PAK5: variants seen among roughly 807,000 people sequenced by gnomAD.
PAK5 encodes the protein serine/threonine-protein kinase PAK 5.
A neutral mutation model predicts 65.9 loss-of-function variants in PAK5; 16 were observed. That is an observed-to-expected ratio of 0.24 (90% CI 0.16 to 0.37). The LOEUF is 0.37. Ranked by LOEUF, PAK5 falls within the 10% of genes least tolerant of loss-of-function variation. The pLI, the probability that PAK5 is intolerant of heterozygous loss-of-function variation, is 1.00. For synonymous variants in PAK5, 371 were observed against 354.9 expected, an observed-to-expected ratio of 1.05 and a Z score of -0.51; for missense variants, 785 against 903.9, an observed-to-expected ratio of 0.87 and a Z score of 1.69.
At chr20:9,640,022 C>G (rs573645383) in intron 3 of PAK5, among the ~76,000 whole-genome samples, 1 of 152,132 alleles carries the variant, frequency 6.6e-6, no homozygotes, top group Non-Finnish European at 1.5e-5. Context: ...TCTAACAAGA[C>G]GGCACATGTC....
chr20:9,810,469 C>G (rs1053960368), intron 1 of PAK5, among the ~76,000 whole-genome samples: 1 of 152,040 alleles, frequency 6.6e-6, no homozygotes, highest in Non-Finnish European at 1.5e-5. Flanking sequence ...CCCTTGAGCC[C>G]AGGAAGTGGA....
chr20:9,586,799 G>A (rs2046077817), intron 3 of PAK5, among the ~76,000 whole-genome samples: 1 of 151,944 alleles, frequency 6.6e-6, no homozygotes, highest in African/African-American at 2.4e-5. Context: ...CTTGTCACCA[G>A]GTATCCCGAG....
chr20:9,620,249 C>T (rs1401021177), intron 3 of PAK5, among the ~76,000 whole-genome samples: 17 of 151,496 alleles, frequency 1.1e-4, no homozygotes, highest in Admixed American at 1.1e-3. Flanking sequence ...GGACTCATCC[C>T]TGATTTATTC....
chr20:9,661,482 A>G (rs758419043), intron 2 of PAK5, among the ~76,000 whole-genome samples: 32 of 152,298 alleles, frequency 2.1e-4, no homozygotes, highest in South Asian at 6.2e-4. Flanking sequence ...ACCACACCTG[A>G]GAAGACCTTT....
Position 9,593,822 on chromosome 20 carries a change from C to T in PAK5, c.205-12892G>A, listed in dbSNP as rs924913851. ...ATCCCAAGGATCTCTCTCTCTCTCT[C>T]TCTTTCTCTCTCTCTCTCTCTCTCC... On this transcript the variant is annotated intron_variant, in intron 3 of 9. Transcript: ENST00000353224. Among the ~76,000 whole-genome samples the T allele has an allele frequency of 1.5e-4, 23 of 152,202 alleles. 2 individuals are homozygous for T. Among genetic ancestry groups the T allele is most frequent in the African/African-American group, 5.3e-4 (22 of 41,526 alleles).
intron 3 of PAK5, among the ~76,000 whole-genome samples, chr20:9,613,616 A>G (rs1284898504): frequency 6.6e-6 from 1 of 152,260 alleles, no homozygotes; most frequent in East Asian, 1.9e-4. Context: ...CATAGCATTT[A>G]GTTCTTAACA....
intron 5 of PAK5, among the ~76,000 whole-genome samples, 174 bp from the exon 6 acceptor site, chr20:9,563,198 G>C (rs1673294252): frequency 6.6e-6 from 1 of 152,128 alleles, no homozygotes; most frequent in Non-Finnish European, 1.5e-5. Context: ...AGAAATAAAA[G>C]GAATCAAGGT....
At chr20:9,676,937 TAGCATTTC>T (rs1228931426) in intron 2 of PAK5, among the ~76,000 whole-genome samples, 2 of 152,172 alleles carry the variant, frequency 1.3e-5, no homozygotes, top group Non-Finnish European at 2.9e-5. Context: ...GGGTGTTGGC[TAGCATTTC>T]AGAGACCCTA....
intron 1 of PAK5, among the ~76,000 whole-genome samples, chr20:9,765,940 T>C (rs895886988): frequency 5.3e-5 from 8 of 152,106 alleles, no homozygotes; most frequent in African/African-American, 1.2e-4. Flanking sequence ...CCAAGTAGAA[T>C]GGGCTGGGCG....
chr20:9,623,595 TAC>T (rs1309028530), intron 3 of PAK5, among the ~76,000 whole-genome samples: 2 of 152,172 alleles, frequency 1.3e-5, no homozygotes, highest in African/African-American at 2.4e-5. Flanking sequence ...AGACAATGCT[TAC>T]AGATACCCAA....
chr20:9,651,163 G>A (rs1209210220), intron 2 of PAK5, among the ~76,000 whole-genome samples: 2 of 152,164 alleles, frequency 1.3e-5, no homozygotes, highest in East Asian at 1.9e-4. Flanking sequence ...CTGCATTCTT[G>A]GGCAACTGGC....
intron 1 of PAK5, among the ~76,000 whole-genome samples, chr20:9,724,756 C>A (rs761209011): frequency 6.6e-6 from 1 of 152,106 alleles, no homozygotes; most frequent in Admixed American, 6.6e-5. Flanking sequence ...AGTTCTCCAG[C>A]ATCTCCATGT....
chr20:9,756,982 C>T (rs577896610), intron 1 of PAK5, among the ~76,000 whole-genome samples: 1 of 152,250 alleles, frequency 6.6e-6, no homozygotes, highest in South Asian at 2.1e-4. Context: ...AGCTTTCTTG[C>T]CTTTCACTTG....
intron 3 of PAK5, among the ~76,000 whole-genome samples, chr20:9,600,237 T>C (rs1259571052): frequency 6.6e-6 from 1 of 152,226 alleles, no homozygotes; most frequent in African/African-American, 2.4e-5. Flanking sequence ...TATAATATTA[T>C]TTTGGTTTTA....
chr20:9,616,593 C>A (rs564750369), intron 3 of PAK5, among the ~76,000 whole-genome samples: 10 of 152,214 alleles, frequency 6.6e-5, no homozygotes, highest in Admixed American at 3.9e-4. Flanking sequence ...GACTGAGATT[C>A]CACATCTAAC....
chr20:9,651,007 T>C (rs948188916), intron 2 of PAK5, among the ~76,000 whole-genome samples: 1 of 152,254 alleles, frequency 6.6e-6, no homozygotes, highest in African/African-American at 2.4e-5. Flanking sequence ...TACAAAATTA[T>C]CTAAAGGGTA....
intron 2 of PAK5, among the ~76,000 whole-genome samples, chr20:9,688,513 G>C (rs1231261831): frequency 6.6e-6 from 1 of 151,974 alleles, no homozygotes; most frequent in African/African-American, 2.4e-5. Context: ...GTGGGCACAA[G>C]GCTCCCCTGC....
intron 1 of PAK5, among the ~76,000 whole-genome samples, chr20:9,804,771 A>G (rs2049211769): frequency 6.6e-6 from 1 of 152,160 alleles, no homozygotes; most frequent in South Asian, 2.1e-4. Context: ...AGTGTGGGCC[A>G]GGTGTGATGG....
At chr20:9,697,659 TG>T (rs1236620565) in intron 2 of PAK5, among the ~76,000 whole-genome samples, 1 of 152,158 alleles carries the variant, frequency 6.6e-6, no homozygotes, top group Non-Finnish European at 1.5e-5. Flanking sequence ...TGTGGCTACT[TG>T]AAGGCTAGAA....
Sources: gnomAD v4.1 joint callset for allele counts (sites outside exome capture counted in the v4.1 genomes callset) on GRCh38, gnomAD v4.1.1 for gene constraint, MANE v1.5 for transcripts, NCBI Gene and HGNC (gene_info 2026-07-23, HGNC 2026-07-21) for gene names.